INPP4B: variants seen among roughly 807,000 people sequenced by gnomAD.
The protein encoded by INPP4B is inositol polyphosphate-4-phosphatase type II B, also known as inositol polyphosphate 4-phosphatase type II.
Under a neutral mutation model 122.5 loss-of-function variants are expected in INPP4B, and 55 were observed. The ratio of observed to expected loss-of-function variants is 0.45; its 90% CI spans 0.36 to 0.56. The LOEUF (loss-of-function observed/expected upper bound fraction) is 0.56. INPP4B is among the 20% of genes least tolerant of loss of function. The pLI, the probability that INPP4B is intolerant of heterozygous loss-of-function variation, is 0.00. For missense variants in INPP4B, 1,000 were observed against 1,097.7 expected (o/e 0.91, Z 1.26); for synonymous variants, 403 against 388.7 (o/e 1.04, Z -0.43).
chr4:142,349,638 T>C (rs975397535), intron 7 of INPP4B, among the ~76,000 whole-genome samples: 2 of 152,006 alleles, frequency 1.3e-5, no homozygotes, highest in African/African-American at 2.4e-5. Context: ...TTATGAAGAT[T>C]TCCTATATAT....
intron 14 of INPP4B, chr4:142,202,731 T>C (rs979866757): frequency 2.0e-6 from 2 of 984,758 alleles, no homozygotes; most frequent in Non-Finnish European, 2.4e-6. Context: ...GTTAAGCTTC[T>C]TTTCATACCA....
At chr4:142,213,445 C>A (rs987373378) in intron 12 of INPP4B, among the ~76,000 whole-genome samples, 1 of 152,130 alleles carries the variant, frequency 6.6e-6, no homozygotes, top group South Asian at 2.1e-4. Context: ...AGATCTAGGT[C>A]CAACCACAAT....
At chr4:142,459,035 T>C (rs1816138688) in intron 3 of INPP4B, among the ~76,000 whole-genome samples, 1 of 152,194 alleles carries the variant, frequency 6.6e-6, no homozygotes, top group Admixed American at 6.5e-5. Context: ...ACAACTCATA[T>C]GGCTGCAGCC....
chr4:142,062,144 G>A (rs770727755), intron 25 of INPP4B, among the ~76,000 whole-genome samples: 8 of 151,980 alleles, frequency 5.3e-5, no homozygotes, highest in Non-Finnish European at 1.0e-4. Context: ...TAGTAATTCT[G>A]TATAAAGTAC....
At chr4:142,535,873 G>T (rs1044632649) in intron 2 of INPP4B, among the ~76,000 whole-genome samples, 1 of 151,790 alleles carries the variant, frequency 6.6e-6, no homozygotes, top group Non-Finnish European at 1.5e-5. Flanking sequence ...TAATTTCCAG[G>T]CTGATATCTT....
chr4:142,346,006 C>A (rs1408155847), intron 7 of INPP4B, among the ~76,000 whole-genome samples: 1 of 151,946 alleles, frequency 6.6e-6, no homozygotes, highest in Non-Finnish European at 1.5e-5. Context: ...TATAAACAGG[C>A]AGTTGCAAAT....
intron 1 of INPP4B, among the ~76,000 whole-genome samples, chr4:142,802,724 G>C (rs1778160396): frequency 6.6e-6 from 1 of 151,676 alleles, no homozygotes; most frequent in African/African-American, 2.4e-5. Context: ...CTGAGGCTGA[G>C]AAACTCCAAT....
At position 142,209,721 on chromosome 4, in the gene INPP4B, A is replaced by G. The variant is rs561628578; in HGVS notation, c.837-695T>C. On this transcript the variant is annotated intron_variant, in intron 12 of 25. Coordinates refer to ENST00000262992, the MANE Select transcript of INPP4B (RefSeq NM_001101669.3). ...GGCAGGAGAATCACTTGAACTCAGG[A>G]GGTGGAAGTTGCAGTGAGCCAAGAT... Among the ~76,000 whole-genome samples the G allele has an allele frequency of 3.5e-4, 43 of 121,796 alleles. 1 individual carries two copies. Among genetic ancestry groups the G allele is most frequent in the Middle Eastern group, 0.014 (2 of 138 alleles). 79.9% of individuals were successfully genotyped at this position (121,796 alleles called of 152,430 possible). A position where few individuals can be genotyped will look rare whatever the true frequency, so the allele number is the denominator to read the frequency against.
At chr4:142,258,391 G>A (rs1737663415) in intron 11 of INPP4B, among the ~76,000 whole-genome samples, 3 of 151,430 alleles carry the variant, frequency 2.0e-5, no homozygotes, top group Non-Finnish European at 4.4e-5. Flanking sequence ...CACAGCAAAA[G>A]AAACTACCAT....
At chr4:142,720,463 C>T (rs1029548331) in intron 2 of INPP4B, among the ~76,000 whole-genome samples, 3 of 151,776 alleles carry the variant, frequency 2.0e-5, no homozygotes, top group Admixed American at 6.6e-5. Context: ...CCAGAATATG[C>T]GGATGTTCAA....
rs539988233 is a variant in INPP4B at position 142,025,226 on chromosome 4, G to C, written c.*3556C>G. ...CCCACTGTGGACAGTTTCAAGCTAC[G>C]AACACCATGTTACTGAATCTGCAGT... is the stretch of plus-strand genomic sequence containing the variant. On this transcript the variant is annotated 3_prime_UTR_variant, in exon 26 of 26. Transcript: ENST00000262992. 2 of 152,154 alleles carry C rather than the reference G, an allele frequency of 1.3e-5. No individual in the cohort carries two copies. The highest frequency in any genetic ancestry group is 3.4e-3 in the Middle Eastern group (1 of 294). 9.4% of individuals were successfully genotyped at this position (152,154 alleles called of 1,614,324 possible).
intron 14 of INPP4B, among the ~76,000 whole-genome samples, chr4:142,197,377 T>C (rs1049072566): frequency 6.6e-6 from 1 of 152,136 alleles, no homozygotes; most frequent in African/African-American, 2.4e-5. Flanking sequence ...TCTTTTGCAA[T>C]CAAACTCAAT....
At chr4:142,606,169 T>A (rs1741218845) in intron 2 of INPP4B, among the ~76,000 whole-genome samples, 2 of 151,934 alleles carry the variant, frequency 1.3e-5, no homozygotes, top group African/African-American at 4.8e-5. Flanking sequence ...GTGTGTATTC[T>A]CATTCCTTTG....
chr4:142,488,457 T>G (rs2149770425), intron 2 of INPP4B, among the ~76,000 whole-genome samples: 1 of 152,172 alleles, frequency 6.6e-6, no homozygotes, highest in Non-Finnish European at 1.5e-5. Flanking sequence ...AGATTGTAAT[T>G]TTTTCTTCCT....
At chr4:142,815,189 G>T (rs1779972752) in intron 1 of INPP4B, among the ~76,000 whole-genome samples, 1 of 152,186 alleles carries the variant, frequency 6.6e-6, no homozygotes, top group East Asian at 1.9e-4. Flanking sequence ...AAAATTTTGA[G>T]GTCATTACAA....
At chr4:142,651,438 T>C (rs1301580273) in intron 2 of INPP4B, among the ~76,000 whole-genome samples, 2 of 152,114 alleles carry the variant, frequency 1.3e-5, no homozygotes, top group African/African-American at 2.4e-5. Context: ...AGGAGCTGGA[T>C]TTTTGAAAAC....
chr4:142,799,563 A>G (rs951879099), intron 1 of INPP4B, among the ~76,000 whole-genome samples: 5 of 152,072 alleles, frequency 3.3e-5, no homozygotes, highest in African/African-American at 1.2e-4. Context: ...TAAATCTTGA[A>G]GGATTATAAA....
intron 7 of INPP4B, among the ~76,000 whole-genome samples, chr4:142,363,648 T>A (rs1407340323): frequency 6.6e-6 from 1 of 152,010 alleles, no homozygotes; most frequent in East Asian, 1.9e-4. Context: ...TCAAAACTCA[T>A]TGAGTCCAGT....
intron 2 of INPP4B, among the ~76,000 whole-genome samples, chr4:142,472,169 AG>A (rs1818951288): frequency 6.6e-6 from 1 of 152,196 alleles, no homozygotes; most frequent in Middle Eastern, 3.2e-3. Flanking sequence ...TCTTTGGAAA[AG>A]TATGTCTTAC....
Sources: allele counts gnomAD v4.1 joint callset (sites outside exome capture counted in the v4.1 genomes callset), GRCh38; gene constraint gnomAD v4.1.1; transcripts MANE v1.5; gene names NCBI Gene and HGNC (gene_info 2026-07-23, HGNC 2026-07-21).